MAP1LC3B: variants seen among roughly 807,000 people sequenced by gnomAD.
MAP1LC3B encodes the protein microtubule associated protein 1 light chain 3 beta, also known as microtubule-associated protein 1 light chain 3 beta.
In MAP1LC3B, 12 loss-of-function variants were observed where a neutral mutation model predicts 16.7. The ratio of observed to expected loss-of-function variants is 0.72; its 90% CI spans 0.46 to 1.16. The LOEUF is 1.16. Ranked by LOEUF, MAP1LC3B falls within the 50% of genes most tolerant of loss-of-function variation. The pLI is 0.00. For missense variants in MAP1LC3B, 155 were observed against 159.5 expected, an observed-to-expected ratio of 0.97 and a Z score of 0.15; for synonymous variants, 63 against 56.5, an observed-to-expected ratio of 1.11 and a Z score of -0.51.
chr16:87,393,268 A>T (rs1021408085), intron 1 of MAP1LC3B: 4 of 152,236 alleles, frequency 2.6e-5, no homozygotes, highest in African/African-American at 9.6e-5. Context: ...CTCCACGCAG[A>T]TGATGCGAAG....
chr16:87,404,664 T>C lies in MAP1LC3B; in HGVS notation c.*1567T>C, dbSNP rs1211059739. ...AAATACTGCTTTTTAAGAAAAAAAA[T>C]AACATGCTGAGGGGTGACCTATATC... On this transcript the variant is annotated 3_prime_UTR_variant, in exon 4 of 4. Transcript: ENST00000268607. 6.6e-6 allele frequency: 1 copy of C among 152,098 alleles called. No homozygotes were observed. The highest frequency in any genetic ancestry group is 6.5e-5 in the Admixed American group (1 of 15,278). The allele number at this position is 152,098 out of a possible 1,614,324, so 9.4% of individuals were successfully genotyped here.
intron 2 of MAP1LC3B, chr16:87,399,236 C>T (rs940958810): frequency 7.6e-6 from 2 of 262,330 alleles, no homozygotes; most frequent in Admixed American, 5.1e-5. Context: ...TGATCTCAAA[C>T]TCCTGGGCTC....
intron 2 of MAP1LC3B, chr16:87,399,620 GA>G: frequency 4.4e-6 from 2 of 455,682 alleles, no homozygotes; most frequent in Non-Finnish European, 8.8e-6. Context: ...ACTGTATATA[GA>G]AAAGATGTCC....
Position 87,402,222 on chromosome 16 carries a change from T to C in MAP1LC3B, c.144T>C (p.Asp48=). Residue 48 remains aspartate, a synonymous_variant, in exon 3 of 4, where the codon GAT becomes GAC. Coordinates refer to ENST00000268607, the MANE Select transcript of MAP1LC3B (RefSeq NM_022818.5). ...YKGEKQLPVL[D]KTKFLVPDHV... is the part of the protein sequence containing the mutation. ...GTGAGAAGCAGCTTCCTGTTCTGGA[T>C]AAAACAAAGTTCCTTGTACCTGACC... is the stretch of plus-strand genomic sequence containing the variant. 6.2e-7 allele frequency: 1 copy of C among 1,614,194 alleles called. No homozygotes were observed. The highest frequency in any genetic ancestry group is 8.5e-7 in the Non-Finnish European group (1 of 1,180,030).
chr16:87,400,130 ACGTGTGTGTG>A (rs1907936219), intron 2 of MAP1LC3B: 1 of 95,958 alleles, frequency 1.0e-5, no homozygotes, highest in Admixed American at 1.2e-4. Flanking sequence ...TAGTTCAAAT[ACGTGTGTGTG>A]TGTGTGTGTG....
intron 1 of MAP1LC3B, among the ~76,000 whole-genome samples, chr16:87,394,889 G>A (rs1907745373): frequency 6.6e-6 from 1 of 151,050 alleles, no homozygotes; most frequent in Non-Finnish European, 1.5e-5. Flanking sequence ...GGGCAACATA[G>A]TGAGAGCTCA....
intron 1 of MAP1LC3B, among the ~76,000 whole-genome samples, chr16:87,397,304 TA>T (rs1907841777): frequency 6.6e-6 from 1 of 152,142 alleles, no homozygotes; most frequent in Non-Finnish European, 1.5e-5. Flanking sequence ...ACAGGAATTT[TA>T]AAAGTTTTTA....
chr16:87,396,371 A>G (rs1567499204), intron 1 of MAP1LC3B, among the ~76,000 whole-genome samples: 1 of 151,544 alleles, frequency 6.6e-6, no homozygotes, highest in Non-Finnish European at 1.5e-5. Context: ...GCTACTTGGG[A>G]TGCTGAGGGA....
At chr16:87,396,633 C>T (rs7204722) in intron 1 of MAP1LC3B, 118,236 of 151,940 alleles carry the variant, frequency 0.78, 46,426 homozygotes, top group South Asian at 0.85. Flanking sequence ...ACACTGAATC[C>T]ACACTGACAC....
chr16:87,402,071 G>T, intron 2 of MAP1LC3B, 104 bp from the exon 3 acceptor site: 2 of 1,033,022 alleles, frequency 1.9e-6, no homozygotes, highest in Non-Finnish European at 2.9e-6. Flanking sequence ...TCCTGACCTC[G>T]TGATGTGCCC....
intron 1 of MAP1LC3B, 139 bp downstream of exon 1, chr16:87,392,606 C>CGAGGGATGCGGGGCCCGGGGCCCCGT (rs1907626403): frequency 3.7e-6 from 3 of 818,794 alleles, no homozygotes; most frequent in Non-Finnish European, 4.7e-6. Context: ...CCGGCGGGGC[C>CGAGGGATGCGGGGCCCGGGGCCCCGT]GAGGGATGCG....
At chr16:87,397,726 G>A (rs1420790580) in intron 1 of MAP1LC3B, among the ~76,000 whole-genome samples, 1 of 152,104 alleles carries the variant, frequency 6.6e-6, no homozygotes, top group African/African-American at 2.4e-5. Context: ...GTCTCAGGAA[G>A]TTCGTGACAT....
At position 87,403,640 on chromosome 16, in the gene MAP1LC3B, A is replaced by G. The variant is rs1184610162; in HGVS notation, c.*543A>G. ...AAACGCAGGGTAAACGGGCTGTGTGAGAAAACGGCCCTGACTGTAAACTGC... is the reference window on the plus strand; with the variant it reads ...AAACGCAGGGTAAACGGGCTGTGTGGGAAAACGGCCCTGACTGTAAACTGC... On this transcript the variant is annotated 3_prime_UTR_variant, in exon 4 of 4. Transcript: ENST00000268607. The G allele has an allele frequency of 6.5e-6, 1 of 152,690 alleles. No homozygotes were observed. The highest frequency in any genetic ancestry group is 2.4e-5 in the African/African-American group (1 of 41,452). 9.5% of individuals were successfully genotyped at this position (152,690 alleles called of 1,614,324 possible).
At chr16:87,401,845 T>G (rs1908003621) in intron 2 of MAP1LC3B, among the ~76,000 whole-genome samples, 2 of 151,238 alleles carry the variant, frequency 1.3e-5, no homozygotes, top group South Asian at 4.2e-4. Context: ...ACTTTTTTTT[T>G]TTTTTGAGAT....
rs770954372 is a variant in MAP1LC3B at position 87,403,170 on chromosome 16, G to T, written c.*73G>T. The T allele has an allele frequency of 2.0e-5, 31 of 1,527,510 alleles. No homozygotes were observed. The Admixed American group carries it at 2.6e-4, about 13-fold the overall frequency. The allele number at this position is 1,527,510 out of a possible 1,614,324, so 94.6% of individuals were successfully genotyped here. On this transcript the variant is annotated 3_prime_UTR_variant, in exon 4 of 4. Transcript: ENST00000268607. ...GGAAAAAAAAGGGATGTTACCAACTGAGATCGATCAGTTCATCCAATCACA... is the reference window on the plus strand; with the variant it reads ...GGAAAAAAAAGGGATGTTACCAACTTAGATCGATCAGTTCATCCAATCACA...
At chr16:87,392,637 G>T (rs1390992656) in intron 1 of MAP1LC3B, 170 bp downstream of exon 1, 5 of 511,072 alleles carry the variant, frequency 9.8e-6, no homozygotes, top group Non-Finnish European at 1.3e-5. Flanking sequence ...CCCCGTGAGG[G>T]ACCCAGGCCG....
At chr16:87,400,654 CA>C (rs1169509918) in intron 2 of MAP1LC3B, among the ~76,000 whole-genome samples, 1 of 151,556 alleles carries the variant, frequency 6.6e-6, no homozygotes, top group African/African-American at 2.4e-5. Context: ...AAACATTGAG[CA>C]TATTACTATA....
chr16:87,402,786 C>A, intron 3 of MAP1LC3B, 137 bp from the exon 4 acceptor site: 1 of 1,017,726 alleles, frequency 9.8e-7, no homozygotes, highest in Non-Finnish European at 1.4e-6. Context: ...GTGTCCTGTG[C>A]TTTATGAGAA....
intron 2 of MAP1LC3B, among the ~76,000 whole-genome samples, chr16:87,401,675 A>G (rs1597391337): frequency 2.0e-5 from 3 of 152,024 alleles, no homozygotes. Context: ...CATTACAGGC[A>G]CCTGCCACCA....
Sources: gnomAD v4.1 joint callset for allele counts (sites outside exome capture counted in the v4.1 genomes callset) on GRCh38, gnomAD v4.1.1 for gene constraint, MANE v1.5 for transcripts, NCBI Gene and HGNC (gene_info 2026-07-23, HGNC 2026-07-21) for gene names.